VWA5B1: variants seen among roughly 807,000 people sequenced by gnomAD.
VWA5B1 encodes von Willebrand factor A domain-containing protein 5B1.
A neutral mutation model predicts 118.2 loss-of-function variants in VWA5B1; 115 were observed. The observed-to-expected ratio is 0.97, with a 90% confidence interval of 0.84 to 1.14. The LOEUF (loss-of-function observed/expected upper bound fraction) is 1.14, where lower values mean the gene tolerates loss of function less well. Ranked by LOEUF, VWA5B1 falls within the 50% of genes most tolerant of loss-of-function variation. The pLI, the probability that VWA5B1 is intolerant of heterozygous loss-of-function variation, is 0.00. For synonymous variants in VWA5B1, 682 were observed against 658.4 expected (o/e 1.04, Z -0.55); for missense variants, 1,596 against 1,603.8 (o/e 1.00, Z 0.08).
chr1:20,296,359 C>T (rs1413812437), intron 1 of VWA5B1, among the ~76,000 whole-genome samples: 14 of 152,146 alleles, frequency 9.2e-5, no homozygotes, highest in Admixed American at 7.9e-4. Context: ...AAGGATTGCA[C>T]GGTGAAACTG....
intron 12 of VWA5B1, among the ~76,000 whole-genome samples, 169 bp downstream of exon 12, chr1:20,333,120 G>A (rs1362744796): frequency 6.6e-6 from 1 of 152,234 alleles, no homozygotes; most frequent in Admixed American, 6.5e-5. Context: ...CAGGCCACAG[G>A]CATTCAATCA....
intron 8 of VWA5B1, among the ~76,000 whole-genome samples, chr1:20,327,434 G>C (rs2089418680): frequency 6.6e-6 from 1 of 152,122 alleles, no homozygotes; most frequent in Admixed American, 6.5e-5. Flanking sequence ...TCCCACAGGA[G>C]GGCCAGAAGC....
intron 1 of VWA5B1, among the ~76,000 whole-genome samples, chr1:20,298,771 C>T (rs2088453170): frequency 1.3e-5 from 2 of 152,162 alleles, no homozygotes; most frequent in South Asian, 4.1e-4. Flanking sequence ...CTGCAGCTGG[C>T]CTCCTCTCTC....
chr1:20,296,194 A>C (rs987067033), intron 1 of VWA5B1, among the ~76,000 whole-genome samples: 1 of 152,184 alleles, frequency 6.6e-6, no homozygotes, highest in African/African-American at 2.4e-5. Context: ...TGTCACCCTA[A>C]TAGAGAACAT....
intron 17 of VWA5B1, 123 bp from the exon 18 acceptor site, chr1:20,348,122 C>A: frequency 1.1e-6 from 1 of 943,908 alleles, no homozygotes; most frequent in Non-Finnish European, 1.6e-6. Flanking sequence ...CCCTGTACAA[C>A]ACCTTCCTGC....
At chr1:20,323,874 C>T (rs1011265689) in intron 8 of VWA5B1, among the ~76,000 whole-genome samples, 6 of 152,324 alleles carry the variant, frequency 3.9e-5, no homozygotes, top group East Asian at 1.9e-4. Context: ...GTGTTGGATA[C>T]GGTGCTAGCC....
chr1:20,345,504 G>A lies in VWA5B1; in HGVS notation c.2675G>A (p.Cys892Tyr). 7.1e-6 allele frequency: 11 copies of A among 1,551,254 alleles called. No individual in the cohort carries two copies. The highest frequency in any genetic ancestry group is 9.6e-6 in the Non-Finnish European group (11 of 1,146,992). Residue 892 changes from cysteine to tyrosine, a missense_variant, in exon 17 of 22, where the codon TGC becomes TAC. Transcript: ENST00000289815. Reference protein sequence around the residue: ...QVSALHTSKACNIISKYTAFV... With the variant: ...QVSALHTSKAYNIISKYTAFV... ...AGCGCCTTGCACACCAGCAAGGCCTGCAACATCATTAGCAAATACACAGCC... is the reference window on the plus strand; with the variant it reads ...AGCGCCTTGCACACCAGCAAGGCCTACAACATCATTAGCAAATACACAGCC...
At chr1:20,295,121 G>T (rs1337292595) in intron 1 of VWA5B1, among the ~76,000 whole-genome samples, 2 of 152,176 alleles carry the variant, frequency 1.3e-5, no homozygotes, top group Non-Finnish European at 2.9e-5. Flanking sequence ...TCAGGGAGGA[G>T]GTGGGTTTGA....
Position 20,343,348 on chromosome 1 carries a change from C to A in VWA5B1, c.2581C>A (p.Arg861Ser). The change falls in exon 16 of 22, where the codon CGC becomes AGC. Residue 861 changes from arginine to serine, a missense_variant. Arg to Ser is a moderately radical substitution (Grantham distance 110). Transcript: ENST00000289815. The part of the protein sequence containing the change: ...FHHLAARAII[R>S]DFEQLAEREG... Reference sequence around the variant, plus strand: ...CCACCTGGCGGCCCGCGCCATCATCCGCGACTTCGAGCAGCTGGCGGAGCG... The same window carrying A: ...CCACCTGGCGGCCCGCGCCATCATCAGCGACTTCGAGCAGCTGGCGGAGCG... The A allele has an allele frequency of 6.5e-7, 1 of 1,541,138 alleles. No individual in the cohort carries two copies. Among genetic ancestry groups the A allele is most frequent in the East Asian group, 2.5e-5 (1 of 40,816 alleles).
Position 20,345,503 on chromosome 1 carries a change from T to G in VWA5B1, c.2674T>G (p.Cys892Gly), listed in dbSNP as rs1472610937. The G allele has an allele frequency of 1.7e-5, 27 of 1,551,122 alleles. No homozygotes were observed. Among genetic ancestry groups the G allele is most frequent in the Non-Finnish European group, 2.1e-5 (24 of 1,146,984 alleles). The change falls in exon 17 of 22, where the codon TGC becomes GGC. Residue 892 changes from cysteine (C) to glycine (G), a missense_variant. By Grantham distance (159) the Cys-to-Gly change is radical. Coordinates refer to ENST00000289815, the MANE Select transcript of VWA5B1 (RefSeq NM_001039500.3). ...GAGCGCCTTGCACACCAGCAAGGCCTGCAACATCATTAGCAAATACACAGC... is the reference window on the plus strand; with the variant it reads ...GAGCGCCTTGCACACCAGCAAGGCCGGCAACATCATTAGCAAATACACAGC... ...QVSALHTSKACNIISKYTAFV... is the reference protein window; with the variant it reads ...QVSALHTSKAGNIISKYTAFV...
At chr1:20,328,405 G>A (rs536164429) in intron 9 of VWA5B1, among the ~76,000 whole-genome samples, 1 of 152,236 alleles carries the variant, frequency 6.6e-6, no homozygotes, top group South Asian at 2.1e-4. Flanking sequence ...ATAGGTGGAT[G>A]AGTGGGCGTG....
Position 20,330,871 on chromosome 1 carries a change from G to GCT in VWA5B1, c.1461_1462dup (p.Tyr488SerfsTer15). The GCT allele has an allele frequency of 6.4e-7, 1 of 1,551,724 alleles. No individual in the cohort carries two copies. Among genetic ancestry groups the GCT allele is most frequent in the South Asian group, 1.2e-5 (1 of 84,068 alleles). ...CCTCTCTTCTCCCTTTCCGCCAGGT[G>GCT]CTATAGCTTTGGAATTGGACCCAAC... On this transcript the variant is annotated frameshift_variant, in exon 11 of 22. Transcript: ENST00000289815. LOFTEE classifies it high-confidence loss of function.
intron 11 of VWA5B1, 80 bp from the exon 12 acceptor site, chr1:20,332,686 A>G (rs2089604723): frequency 6.8e-7 from 1 of 1,464,830 alleles, no homozygotes; most frequent in Admixed American, 2.1e-5. Context: ...CCCACTCCCC[A>G]CTAAGCTGAT....
At chr1:20,310,947 G>C (rs1430968226) in intron 2 of VWA5B1, among the ~76,000 whole-genome samples, 2 of 152,188 alleles carry the variant, frequency 1.3e-5, no homozygotes, top group African/African-American at 2.4e-5. Flanking sequence ...GAGGAGGTTT[G>C]GATTCAGCCC....
intron 7 of VWA5B1, among the ~76,000 whole-genome samples, chr1:20,321,499 C>T (rs1393286707): frequency 1.3e-5 from 2 of 152,164 alleles, no homozygotes; most frequent in Non-Finnish European, 2.9e-5. Flanking sequence ...GCAGGAGAAT[C>T]GCTTGAACCA....
rs12034782 is a variant in VWA5B1 at position 20,355,085 on chromosome 1, A to C, written c.*822A>C. Among the ~76,000 whole-genome samples the C allele has an allele frequency of 5.9e-5, 9 of 152,010 alleles. No individual in the cohort carries two copies. The highest frequency in any genetic ancestry group is 1.3e-4 in the Non-Finnish European group (9 of 68,004). ...TCACAGAAGTCAATGAAGACACCAG[A>C]CAACACCTTACTTAATTTTCCCACT... is the stretch of plus-strand genomic sequence containing the variant. On this transcript the variant is annotated 3_prime_UTR_variant, in exon 22 of 22. Transcript: ENST00000289815.
At chr1:20,341,409 T>C (rs2100982099) in intron 14 of VWA5B1, among the ~76,000 whole-genome samples, 1 of 152,336 alleles carries the variant, frequency 6.6e-6, no homozygotes, top group African/African-American at 2.4e-5. Flanking sequence ...TGTGTACCCA[T>C]TTACATTAGC....
chr1:20,332,573 G>A (rs1004681611), intron 11 of VWA5B1, among the ~76,000 whole-genome samples, 193 bp from the exon 12 acceptor site: 1 of 148,636 alleles, frequency 6.7e-6, no homozygotes, highest in East Asian at 2.0e-4. Context: ...AAGATGAAGC[G>A]AAGATGCTCC....
rs199572586 is a variant in VWA5B1 at position 20,337,663 on chromosome 1, C to T, written c.1960C>T (p.Arg654Ter). 6.4e-5 allele frequency: 100 copies of T among 1,551,344 alleles called. No individual in the cohort carries two copies. The highest frequency in any genetic ancestry group is 5.0e-4 in the Middle Eastern group (3 of 5,988). The change falls in exon 14 of 22, where the codon CGA (arginine) becomes TGA (stop). Residue 654 changes from arginine to a stop codon, truncating the protein, a stop_gained. Coordinates refer to ENST00000289815, the MANE Select transcript of VWA5B1 (RefSeq NM_001039500.3). LOFTEE classifies it high-confidence loss of function. Reference protein sequence around the residue: ...TTKHDLNLSQRRRAYSTNQIT... With the variant: ...TTKHDLNLSQ ...CTGTCCAGATCTGAACCTCTCTCAG[C>T]GACGGAGGGCATACAGCACCAACCA...
Sources: gnomAD v4.1 joint callset for allele counts (sites outside exome capture counted in the v4.1 genomes callset) on GRCh38, gnomAD v4.1.1 for gene constraint, MANE v1.5 for transcripts, NCBI Gene and HGNC (gene_info 2026-07-23, HGNC 2026-07-21) for gene names.